The following SCN8A variants were observed in gnomAD, a reference collection of about 807,000 sequenced individuals.
SCN8A encodes the protein sodium voltage-gated channel alpha subunit 8.
A neutral mutation model predicts 184.1 loss-of-function variants in SCN8A; 30 were observed. The observed-to-expected ratio is 0.16, with a 90% CI of 0.12 to 0.22. The LOEUF is 0.22. Ranked by LOEUF, SCN8A falls within the 10% of genes least tolerant of loss-of-function variation. The pLI, the probability that SCN8A is intolerant of heterozygous loss-of-function variation, is 1.00. For synonymous variants in SCN8A, 852 were observed against 907.0 expected, an observed-to-expected ratio of 0.94 and a Z score of 1.09; for missense variants, 1,057 against 2,498.9, an observed-to-expected ratio of 0.42 and a Z score of 12.30.
At chr12:51,617,679 C>G (rs914026912) in intron 1 of SCN8A, among the ~76,000 whole-genome samples, 1 of 152,112 alleles carries the variant, frequency 6.6e-6, no homozygotes, top group Non-Finnish European at 1.5e-5. Context: ...TGAACACTTT[C>G]AAATTGTTAG....
At chr12:51,699,196 A>G (rs549305673) in intron 6 of SCN8A, among the ~76,000 whole-genome samples, 1 of 152,336 alleles carries the variant, frequency 6.6e-6, no homozygotes, top group South Asian at 2.1e-4. Context: ...CACAGAGGAC[A>G]AGATAATATA....
intron 6 of SCN8A, among the ~76,000 whole-genome samples, chr12:51,690,479 A>G (rs1941488323): frequency 6.6e-6 from 1 of 151,956 alleles, no homozygotes; most frequent in Non-Finnish European, 1.5e-5. Context: ...CAGCCTTCCA[A>G]GTAGCTGAGA....
intron 14 of SCN8A, 133 bp downstream of exon 14, chr12:51,751,726 A>C (rs2138839037): frequency 1.5e-6 from 1 of 675,134 alleles, no homozygotes; most frequent in Non-Finnish European, 2.6e-6. Context: ...ATGCTTCCAC[A>C]TATGCCAGGA....
intron 14 of SCN8A, among the ~76,000 whole-genome samples, chr12:51,761,936 A>G (rs1722496288): frequency 6.8e-6 from 1 of 146,318 alleles, no homozygotes; most frequent in Non-Finnish European, 1.5e-5. Context: ...TGTGTATTTG[A>G]AAAAAAAAAC....
At chr12:51,686,634 A>G (rs573532291) in intron 4 of SCN8A, among the ~76,000 whole-genome samples, 177 bp downstream of exon 4, 8 of 152,204 alleles carry the variant, frequency 5.3e-5, no homozygotes, top group African/African-American at 9.6e-5. Flanking sequence ...CTAAAAGTCA[A>G]CTCTAGAAAT....
At chr12:51,671,540 A>G (rs1035172538) in intron 2 of SCN8A, among the ~76,000 whole-genome samples, 2 of 152,328 alleles carry the variant, frequency 1.3e-5, no homozygotes, top group Admixed American at 6.5e-5. Flanking sequence ...GATTTGTGCA[A>G]TCTTATCATA....
At chr12:51,604,514 C>T (rs765075687) in intron 1 of SCN8A, among the ~76,000 whole-genome samples, 9 of 151,294 alleles carry the variant, frequency 5.9e-5, no homozygotes, top group East Asian at 1.9e-4. Flanking sequence ...GTTTTTTTAA[C>T]GGGTTTTTGT....
At chr12:51,593,993 A>G (rs1449894136) in intron 1 of SCN8A, among the ~76,000 whole-genome samples, 1 of 152,250 alleles carries the variant, frequency 6.6e-6, no homozygotes, top group Non-Finnish European at 1.5e-5. Context: ...CTGGATCAGG[A>G]GAGCGTCTTC....
chr12:51,592,049 ACCCCCACCCCCAC>A (rs1315437609), intron 1 of SCN8A, among the ~76,000 whole-genome samples: 32 of 16,796 alleles, frequency 1.9e-3, no homozygotes, highest in Admixed American at 0.012. Context: ...CCCCCATCCC[ACCCCCACCCCCAC>A]CCCCCACCCC....
chr12:51,755,932 G>T (rs1791871895), intron 14 of SCN8A, among the ~76,000 whole-genome samples: 1 of 152,094 alleles, frequency 6.6e-6, no homozygotes, highest in African/African-American at 2.4e-5. Flanking sequence ...TCCTCACCCT[G>T]TATAGGCTCT....
At chr12:51,669,631 T>C (rs2138682927) in intron 2 of SCN8A, among the ~76,000 whole-genome samples, 1 of 152,328 alleles carries the variant, frequency 6.6e-6, no homozygotes, top group African/African-American at 2.4e-5. Flanking sequence ...AACTGATTAC[T>C]CCTTTTAAAT....
chr12:51,771,108 G>A (rs1942919058), intron 19 of SCN8A, among the ~76,000 whole-genome samples: 1 of 152,128 alleles, frequency 6.6e-6, no homozygotes, highest in Non-Finnish European at 1.5e-5. Flanking sequence ...TCAGATCTCT[G>A]GTACAAAGGT....
At chr12:51,635,609 T>C (rs1349658057) in intron 1 of SCN8A, among the ~76,000 whole-genome samples, 2 of 152,312 alleles carry the variant, frequency 1.3e-5, no homozygotes, top group Middle Eastern at 3.4e-3. Context: ...AGTAATAAGA[T>C]GTGAGTAATT....
intron 20 of SCN8A, among the ~76,000 whole-genome samples, chr12:51,775,168 T>G (rs1448940166): frequency 6.6e-6 from 1 of 152,228 alleles, no homozygotes; most frequent in Non-Finnish European, 1.5e-5. Context: ...TGAATGGGAT[T>G]TGTAGGACCA....
At chr12:51,773,877 G>A (rs1443230084) in intron 19 of SCN8A, among the ~76,000 whole-genome samples, 1 of 152,140 alleles carries the variant, frequency 6.6e-6, no homozygotes, top group African/African-American at 2.4e-5. Context: ...GGGGGTTTAG[G>A]GGGTGATAGC....
intron 2 of SCN8A, 128 bp downstream of exon 2, chr12:51,663,221 C>A: frequency 9.1e-7 from 1 of 1,096,698 alleles, no homozygotes; most frequent in Non-Finnish European, 1.3e-6. Context: ...TCAGTTCTGG[C>A]TTGTGGGGAT....
chr12:51,774,275 C>T lies in SCN8A; in HGVS notation c.3732C>T (p.Ile1244=). The T allele has an allele frequency of 5.0e-6, 8 of 1,614,090 alleles. No individual in the cohort carries two copies. Among genetic ancestry groups the T allele is most frequent in the African/African-American group, 1.3e-5 (1 of 75,060 alleles). ...YADKVFTYIF[I]LEMLLKWTAY... is the part of the protein sequence containing the mutation. ...ACAAAGTCTTCACCTATATCTTCAT[C>T]CTGGAGATGTTGCTCAAGTGGACAG... The change falls in exon 20 of 27, where the codon ATC becomes ATT. Residue 1244 remains isoleucine, a synonymous_variant. Transcript: ENST00000627620.
intron 20 of SCN8A, among the ~76,000 whole-genome samples, chr12:51,777,415 G>A (rs1021580452): frequency 6.6e-6 from 1 of 151,994 alleles, no homozygotes; most frequent in African/African-American, 2.4e-5. Context: ...ACGTGCCAAG[G>A]CGCCCAGCTT....
intron 13 of SCN8A, 123 bp downstream of exon 13, chr12:51,746,158 C>A: frequency 3.5e-6 from 3 of 859,868 alleles, no homozygotes; most frequent in Non-Finnish European, 5.1e-6. Context: ...AGGAATGGAA[C>A]GTATTCCTAT....
Sources: allele counts gnomAD v4.1 joint callset (sites outside exome capture counted in the v4.1 genomes callset), GRCh38; gene constraint gnomAD v4.1.1; transcripts MANE v1.5; gene names NCBI Gene and HGNC (gene_info 2026-07-23, HGNC 2026-07-21).